PLXDC2: variants seen among roughly 807,000 people sequenced by gnomAD.
PLXDC2 encodes the protein plexin domain containing 2, also known as plexin domain-containing protein 2.
Under a neutral mutation model 68.9 loss-of-function variants are expected in PLXDC2, and 40 were observed. That is an observed-to-expected ratio of 0.58 (90% CI 0.45 to 0.76). The LOEUF is 0.76. Ranked by LOEUF, PLXDC2 falls within the 30% of genes least tolerant of loss-of-function variation. The probability of loss-of-function intolerance (pLI) is 0.00; values close to 1 mark genes in which losing one functional copy is unlikely to be tolerated. For missense variants in PLXDC2, 644 were observed against 661.9 expected, an observed-to-expected ratio of 0.97 and a Z score of 0.30; for synonymous variants, 243 against 234.2, an observed-to-expected ratio of 1.04 and a Z score of -0.34.
chr10:20,060,901 G>A (rs1367430137), intron 3 of PLXDC2, among the ~76,000 whole-genome samples: 1 of 152,170 alleles, frequency 6.6e-6, no homozygotes. Flanking sequence ...CAGTTGTCAA[G>A]ATGCAGGATT....
chr10:20,082,070 A>AAAAAAAAAAAAAAAAAAAAC (rs1554765383), intron 4 of PLXDC2, among the ~76,000 whole-genome samples: 9 of 121,930 alleles, frequency 7.4e-5, no homozygotes, highest in South Asian at 3.0e-4. Flanking sequence ...AAATCAAAAA[A>AAAAAAAAAAAAAAAAAAAAC]AAAAAACAGG....
chr10:20,225,364 C>T (rs529969128), intron 12 of PLXDC2, among the ~76,000 whole-genome samples: 23 of 152,068 alleles, frequency 1.5e-4, no homozygotes, highest in Non-Finnish European at 2.6e-4. Flanking sequence ...TTTTTTTCTA[C>T]TTTTTGTTGA....
chr10:20,161,955 C>T (rs112875970), intron 6 of PLXDC2, among the ~76,000 whole-genome samples: 3,970 of 151,396 alleles, frequency 0.026, 69 homozygotes, highest in South Asian at 0.074. Context: ...TGCTTGAACC[C>T]GGGAGGTGGT....
At chr10:19,962,515 C>A (rs1228372199) in intron 1 of PLXDC2, among the ~76,000 whole-genome samples, 1 of 148,924 alleles carries the variant, frequency 6.7e-6, no homozygotes. Flanking sequence ...CTCAGCCTCC[C>A]CAGCAGGTGG....
chr10:19,828,092 G>A (rs184623805), intron 1 of PLXDC2, among the ~76,000 whole-genome samples: 5 of 152,286 alleles, frequency 3.3e-5, no homozygotes, highest in African/African-American at 1.2e-4. Context: ...GGAGGAGTGA[G>A]CTCAACTCAA....
intron 7 of PLXDC2, among the ~76,000 whole-genome samples, chr10:20,171,921 A>G (rs1485701644): frequency 1.3e-5 from 2 of 152,060 alleles, no homozygotes; most frequent in Non-Finnish European, 1.5e-5. Flanking sequence ...ACCAGCCTGG[A>G]AGAAAGACAC....
chr10:20,106,117 G>C (rs574575986), intron 4 of PLXDC2, among the ~76,000 whole-genome samples: 1 of 152,280 alleles, frequency 6.6e-6, no homozygotes, highest in South Asian at 2.1e-4. Context: ...TCATGGCCTT[G>C]TTAACCACAT....
intron 9 of PLXDC2, among the ~76,000 whole-genome samples, chr10:20,207,042 A>G (rs751819543): frequency 2.0e-5 from 3 of 152,136 alleles, no homozygotes; most frequent in Non-Finnish European, 2.9e-5. Context: ...GATGCCATTT[A>G]GATTACTGGC....
At chr10:19,933,424 A>T (rs1833672687) in intron 1 of PLXDC2, among the ~76,000 whole-genome samples, 1 of 152,238 alleles carries the variant, frequency 6.6e-6, no homozygotes, top group South Asian at 2.1e-4. Context: ...TCACGAGGTC[A>T]GGAGTTCGAG....
At chr10:20,262,567 G>C (rs752073673) in intron 13 of PLXDC2, among the ~76,000 whole-genome samples, 1 of 152,130 alleles carries the variant, frequency 6.6e-6, no homozygotes, top group Non-Finnish European at 1.5e-5. Context: ...AGCCAACCTG[G>C]GACAGAAGGA....
chr10:20,011,121 A>C (rs1835106627), intron 2 of PLXDC2, among the ~76,000 whole-genome samples: 1 of 152,230 alleles, frequency 6.6e-6, no homozygotes, highest in African/African-American at 2.4e-5. Context: ...TTTTAAAATC[A>C]TGTTAAAATT....
intron 1 of PLXDC2, among the ~76,000 whole-genome samples, chr10:19,934,488 T>G (rs1341010776): frequency 6.6e-6 from 1 of 152,210 alleles, no homozygotes; most frequent in Non-Finnish European, 1.5e-5. Flanking sequence ...CCAACGTAAG[T>G]GCACCAGTGT....
In PLXDC2 at chr10:20,143,393, T is replaced by A. The variant is rs772725426; in HGVS notation, c.640T>A (p.Ser214Thr). ...TTTCGATCCCAGTGTATCCAGAAATTCAACTGTCAGATATTTTGATAATGG... is the reference window on the plus strand; with the variant it reads ...TTTCGATCCCAGTGTATCCAGAAATACAACTGTCAGATATTTTGATAATGG... ...ANFDPSVSRN[S>T]TVRYFDNGTA... The change falls in exon 5 of 14, where the codon TCA becomes ACA. Residue 214 changes from serine (S) to threonine (T), a missense_variant. Ser to Thr is a moderately conservative substitution (Grantham distance 58, BLOSUM62 1). This residue lies in a region of PLXDC2 where 113 missense variants were observed against 167.1 expected (regional missense o/e 0.68). Transcript: ENST00000377252. The A allele has an allele frequency of 6.2e-7, 1 of 1,613,256 alleles. No individual in the cohort carries two copies. The highest frequency in any genetic ancestry group is 1.1e-5 in the South Asian group (1 of 91,056).
Position 19,994,754 on chromosome 10 carries a change from TG to T in PLXDC2, c.113-7020del, listed in dbSNP as rs1216126927. 5.8e-4 allele frequency among the ~76,000 whole-genome samples: 85 copies of T among 146,944 alleles called. 2 individuals carry two copies. The highest frequency in any genetic ancestry group is 5.9e-4 in the East Asian group (3 of 5,120). ...ATCATTCATTTATTGATTTTTTTTTTGTGTGTGTGACAGAGTCTCGCTCTGT... is the reference window on the plus strand; with the variant it reads ...ATCATTCATTTATTGATTTTTTTTTTTGTGTGTGACAGAGTCTCGCTCTGT... On this transcript the variant is annotated intron_variant, in intron 1 of 13. Transcript: ENST00000377252.
intron 2 of PLXDC2, among the ~76,000 whole-genome samples, chr10:20,041,584 T>G (rs1340683968): frequency 6.6e-6 from 1 of 152,222 alleles, no homozygotes; most frequent in Non-Finnish European, 1.5e-5. Flanking sequence ...TAATATATCT[T>G]TAATTGTTTT....
intron 7 of PLXDC2, among the ~76,000 whole-genome samples, chr10:20,174,539 C>T (rs2131823962): frequency 6.6e-6 from 1 of 152,198 alleles, no homozygotes; most frequent in East Asian, 1.9e-4. Context: ...AAAGGGTTTG[C>T]TTCGACCCTT....
chr10:19,993,517 TC>T (rs1834786853), intron 1 of PLXDC2, among the ~76,000 whole-genome samples: 1 of 152,162 alleles, frequency 6.6e-6, no homozygotes, highest in Non-Finnish European at 1.5e-5. Flanking sequence ...CCTCCCGGGT[TC>T]AAGCAATTCT....
At chr10:20,176,113 G>A (rs533843201) in intron 7 of PLXDC2, among the ~76,000 whole-genome samples, 3 of 152,022 alleles carry the variant, frequency 2.0e-5, no homozygotes, top group Non-Finnish European at 2.9e-5. Context: ...TCTTCCTCAG[G>A]GACATTGATG....
intron 12 of PLXDC2, among the ~76,000 whole-genome samples, chr10:20,219,953 T>C (rs1282808826): frequency 6.6e-6 from 1 of 152,148 alleles, no homozygotes. Context: ...TGGTAGAGAA[T>C]AGTTTCAAAA....
Sources: allele counts gnomAD v4.1 joint callset (sites outside exome capture counted in the v4.1 genomes callset), GRCh38; gene constraint gnomAD v4.1.1; regional missense constraint gnomAD v4.1.1; transcripts MANE v1.5; gene names NCBI Gene and HGNC (gene_info 2026-07-23, HGNC 2026-07-21).